The following MECOM variants were observed in gnomAD, a reference collection of about 807,000 sequenced individuals.
MECOM encodes histone-lysine N-methyltransferase MECOM.
Under a neutral mutation model 116.3 loss-of-function variants are expected in MECOM, and 13 were observed. The ratio of observed to expected loss-of-function variants is 0.11; its 90% CI spans 0.07 to 0.18. The LOEUF is 0.18. Ranked by LOEUF, MECOM falls within the 10% of genes least tolerant of loss-of-function variation. The pLI is 1.00. For synonymous variants in MECOM, 528 were observed against 535.2 expected, an observed-to-expected ratio of 0.99 and a Z score of 0.19; for missense variants, 1,299 against 1,509.0, an observed-to-expected ratio of 0.86 and a Z score of 2.31.
At chr3:169,516,425 G>C (rs1756634545) in intron 1 of MECOM, among the ~76,000 whole-genome samples, 1 of 152,020 alleles carries the variant, frequency 6.6e-6, no homozygotes, top group African/African-American at 2.4e-5. Flanking sequence ...CTTATACTAT[G>C]AATAGCGTAC....
At chr3:169,444,363 A>G (rs1227827369) in intron 1 of MECOM, among the ~76,000 whole-genome samples, 1 of 152,146 alleles carries the variant, frequency 6.6e-6, no homozygotes, top group African/African-American at 2.4e-5. Flanking sequence ...CAGAATTCCC[A>G]CGCATTGTCC....
intron 1 of MECOM, among the ~76,000 whole-genome samples, chr3:169,577,085 C>T (rs1764604882): frequency 6.6e-6 from 1 of 152,150 alleles, no homozygotes; most frequent in Admixed American, 6.5e-5. Flanking sequence ...CACTTCTAAG[C>T]TGAGTGACTA....
At chr3:169,364,924 A>G (rs186569600) in intron 2 of MECOM, among the ~76,000 whole-genome samples, 89 of 152,208 alleles carry the variant, frequency 5.8e-4, no homozygotes, top group Non-Finnish European at 1.2e-3. Flanking sequence ...TGGCTTGCAT[A>G]ATGTGTCATT....
intron 1 of MECOM, among the ~76,000 whole-genome samples, chr3:169,575,007 A>G (rs1359593505): frequency 6.6e-6 from 1 of 152,158 alleles, no homozygotes; most frequent in African/African-American, 2.4e-5. Flanking sequence ...AAGCAGGGGC[A>G]AAGCAGAATA....
At chr3:169,642,320 G>A (rs1773590610) in intron 1 of MECOM, among the ~76,000 whole-genome samples, 1 of 151,916 alleles carries the variant, frequency 6.6e-6, no homozygotes, top group Non-Finnish European at 1.5e-5. Flanking sequence ...CAAGAGAGAA[G>A]GAAAATATTT....
At chr3:169,639,184 A>G (rs1773167143) in intron 1 of MECOM, among the ~76,000 whole-genome samples, 1 of 152,160 alleles carries the variant, frequency 6.6e-6, no homozygotes, top group Non-Finnish European at 1.5e-5. Flanking sequence ...TACCTGTTAT[A>G]GCACCTAGCT....
intron 1 of MECOM, among the ~76,000 whole-genome samples, chr3:169,610,959 C>G (rs180752744): frequency 1.3e-5 from 2 of 152,310 alleles, no homozygotes; most frequent in African/African-American, 4.8e-5. Flanking sequence ...CTCAGGTTTC[C>G]TCTGTGGGTT....
intron 2 of MECOM, among the ~76,000 whole-genome samples, chr3:169,223,196 G>C (rs779975820): frequency 7.9e-5 from 12 of 151,442 alleles, no homozygotes; most frequent in Non-Finnish European, 1.6e-4. Context: ...TGTTACATAT[G>C]TATACATGTG....
chr3:169,657,572 CAGAACCCAGTCTCCAG>C lies in MECOM; in HGVS notation c.37+5748_37+5763del, dbSNP rs1775689751. On this transcript the variant is annotated intron_variant, in intron 1 of 16. Transcript: ENST00000651503. ...ACATTGTACAGAATTGGCAAGAAGC[CAGAACCCAGTCTCCAG>C]AGGGACCCATTGGACAAGGAATTCA... 3.3e-5 allele frequency among the ~76,000 whole-genome samples: 5 copies of C among 152,260 alleles called. No individual in the cohort carries two copies. In the South Asian group the frequency reaches 1.0e-3, roughly 32 times the overall value.
At chr3:169,200,412 AT>A (rs544395499) in intron 2 of MECOM, among the ~76,000 whole-genome samples, 363 of 152,172 alleles carry the variant, frequency 2.4e-3, no homozygotes, top group Non-Finnish European at 4.2e-3. Flanking sequence ...TTATTTAATT[AT>A]TTTTTAATAA....
In MECOM at chr3:169,585,410, A is replaced by T. The variant is rs185091967; in HGVS notation, c.37+77926T>A. On this transcript the variant is annotated intron_variant, in intron 1 of 16. Coordinates refer to ENST00000651503, the MANE Select transcript of MECOM (RefSeq NM_004991.4). ...GAGAAAATAATTCTATAAAAATAAA[A>T]GTTTGTGGAAGTTCTATTTTGTATT... Among the ~76,000 whole-genome samples, 8 of 152,330 alleles carry T rather than the reference A, an allele frequency of 5.3e-5. No individual in the cohort carries two copies. In the East Asian group the frequency reaches 1.5e-3, roughly 29 times the overall value.
intron 9 of MECOM, among the ~76,000 whole-genome samples, chr3:169,108,388 A>G (rs1381319040): frequency 6.6e-6 from 1 of 152,224 alleles, no homozygotes; most frequent in Admixed American, 6.5e-5. Context: ...CTAAATAACA[A>G]AAGGATAATG....
At chr3:169,214,044 T>G (rs940262012) in intron 2 of MECOM, among the ~76,000 whole-genome samples, 18 of 152,166 alleles carry the variant, frequency 1.2e-4, no homozygotes, top group Non-Finnish European at 1.3e-4. Flanking sequence ...CACATCTGTA[T>G]GATACCATTC....
chr3:169,428,417 G>A (rs1339051422), intron 1 of MECOM, among the ~76,000 whole-genome samples: 4 of 152,156 alleles, frequency 2.6e-5, no homozygotes, highest in Non-Finnish European at 4.4e-5. Flanking sequence ...ACTTGCCTAT[G>A]AGAATCGAAT....
rs539873617 is a variant in MECOM, at chr3:169,097,817, T to TAAAAAAAAAAAAAAAAAAAAA, written c.2850-2593_2850-2573dup. Among the ~76,000 whole-genome samples the TAAAAAAAAAAAAAAAAAAAAA allele has an allele frequency of 5.5e-4, 48 of 87,180 alleles. 3 individuals carry two copies. The highest frequency in any genetic ancestry group is 6.3e-4 in the African/African-American group (16 of 25,386). 57.2% of individuals were successfully genotyped at this position (87,180 alleles called of 152,430 possible). A position where few individuals can be genotyped will look rare whatever the true frequency, so the allele number is the denominator to read the frequency against. On this transcript the variant is annotated intron_variant, in intron 12 of 16. Transcript: ENST00000651503. Reference sequence around the variant, plus strand: ...AACAGAGTGAGACCTACTGTCTATATAAAAAAAAAAAAAAAAAAAAAAAGG... The same window carrying TAAAAAAAAAAAAAAAAAAAAA: ...AACAGAGTGAGACCTACTGTCTATATAAAAAAAAAAAAAAAAAAAAAAAAAAAAAAAAAAAAAAAAAAAAGG...
At chr3:169,242,713 G>A (rs958179429) in intron 2 of MECOM, among the ~76,000 whole-genome samples, 6 of 152,076 alleles carry the variant, frequency 3.9e-5, no homozygotes, top group African/African-American at 1.4e-4. Context: ...CAGTCAGCTG[G>A]GAGTTTTAGT....
chr3:169,349,090 C>T (rs1028698872), intron 2 of MECOM, among the ~76,000 whole-genome samples: 1 of 151,354 alleles, frequency 6.6e-6, no homozygotes, highest in Non-Finnish European at 1.5e-5. Flanking sequence ...CCCCCTCCCC[C>T]AGTGTTTTTC....
chr3:169,377,626 C>T (rs1043008322), intron 2 of MECOM, among the ~76,000 whole-genome samples: 1 of 152,108 alleles, frequency 6.6e-6, no homozygotes, highest in African/African-American at 2.4e-5. Flanking sequence ...AATGAGATAC[C>T]ATCTCACACC....
At chr3:169,370,255 A>G (rs764671936) in intron 2 of MECOM, among the ~76,000 whole-genome samples, 1 of 152,040 alleles carries the variant, frequency 6.6e-6, no homozygotes, top group African/African-American at 2.4e-5. Context: ...AAGGGTGCCA[A>G]CAACACACAA....
Sources: allele counts gnomAD v4.1 joint callset (sites outside exome capture counted in the v4.1 genomes callset), GRCh38; gene constraint gnomAD v4.1.1; transcripts MANE v1.5; gene names NCBI Gene and HGNC (gene_info 2026-07-23, HGNC 2026-07-21).